The following ABCA7 variants were observed in gnomAD, a reference collection of about 807,000 sequenced individuals.
ABCA7 encodes ATP binding cassette subfamily A member 7, also known as phospholipid-transporting ATPase ABCA7.
ABCA7 carries 261 observed loss-of-function variants against 227.6 expected under a neutral mutation model. The observed-to-expected ratio is 1.15, with a 90% confidence interval of 1.04 to 1.27. ABCA7 has a LOEUF of 1.27. Among genes scored for constraint, ABCA7 ranks in the 50% most tolerant of loss-of-function variants. The pLI is 0.00. For missense variants in ABCA7, 3,331 were observed against 2,924.5 expected, an observed-to-expected ratio of 1.14 and a Z score of -3.21; for synonymous variants, 1,488 against 1,279.7, an observed-to-expected ratio of 1.16 and a Z score of -3.47.
intron 40 of ABCA7, 51 bp downstream of exon 40, chr19:1,059,136 C>CAG: frequency 6.3e-7 from 1 of 1,576,694 alleles, no homozygotes; most frequent in Non-Finnish European, 8.6e-7. Flanking sequence ...GGCTGCCCTA[C>CAG]TGCATGCCCT....
intron 16 of ABCA7, 52 bp from the exon 17 acceptor site, chr19:1,048,843 T>C: frequency 1.0e-6 from 1 of 992,846 alleles, no homozygotes; most frequent in Non-Finnish European, 1.4e-6. Context: ...AAAAAAAGCC[T>C]GGTACACTCC....
At position 1,056,370 on chromosome 19, in the gene ABCA7, T is replaced by C. The variant is rs2042251684; in HGVS notation, c.4457T>C (p.Phe1486Ser). 6.2e-7 allele frequency: 1 copy of C among 1,613,402 alleles called. No individual in the cohort carries two copies. Residue 1486 changes from phenylalanine to serine, a missense_variant, in exon 33 of 47, where the codon TTT becomes TCT. Physicochemically the swap from Phe to Ser is radical, Grantham distance 155 (BLOSUM62 -2). Coordinates refer to ENST00000263094, the MANE Select transcript of ABCA7 (RefSeq NM_019112.4). The surrounding 1 kb of genome is among the most constrained non-coding windows in gnomAD (Gnocchi z 4.3). ...NNKGWHSMVAFVNRASNAILR... is the reference protein window; with the variant it reads ...NNKGWHSMVASVNRASNAILR... ...AAAGGCTGGCACTCCATGGTGGCCT[T>C]TGTCAACCGAGCCAGCAACGCAATC...
intron 20 of ABCA7, 62 bp downstream of exon 20, chr19:1,051,356 C>G: frequency 6.3e-7 from 1 of 1,586,798 alleles, no homozygotes; most frequent in South Asian, 1.1e-5. Context: ...ATCCTGAAGG[C>G]AGGGGGAAGC....
intron 24 of ABCA7, 58 bp downstream of exon 24, chr19:1,053,589 G>A: frequency 6.5e-7 from 1 of 1,540,248 alleles, no homozygotes; most frequent in Non-Finnish European, 8.7e-7. Context: ...TGGAGGAGGT[G>A]GTGTTTTGAA....
Position 1,043,782 on chromosome 19 carries a change from A to T in ABCA7, c.988A>T (p.Met330Leu). ...GAGGGATGTCCGGGAGGTGTGGGAG[A>T]TGCTGGGACCCCGGATCTTCACCTT... ...LLRDVREVWE[M>L]LGPRIFTFMN... Residue 330 changes from methionine (M) to leucine (L), a missense_variant, in exon 10 of 47, where the codon ATG becomes TTG. Coordinates refer to ENST00000263094, the MANE Select transcript of ABCA7 (RefSeq NM_019112.4). 1 of 1,612,894 alleles carries T rather than the reference A, an allele frequency of 6.2e-7. No individual in the cohort carries two copies. Among genetic ancestry groups the T allele is most frequent in the Non-Finnish European group, 8.5e-7 (1 of 1,179,904 alleles).
intron 44 of ABCA7, 41 bp from the exon 45 acceptor site, chr19:1,064,120 G>T: frequency 6.6e-7 from 1 of 1,512,024 alleles, no homozygotes; most frequent in South Asian, 1.2e-5. Flanking sequence ...AGGCACAGGT[G>T]GCCCCGGCCT....
intron 42 of ABCA7, 35 bp downstream of exon 42, chr19:1,062,348 C>G: frequency 6.3e-7 from 1 of 1,592,286 alleles, no homozygotes; most frequent in Non-Finnish European, 8.5e-7. Flanking sequence ...TCTCACCTCC[C>G]AGGGCCCACC....
Position 1,056,150 on chromosome 19 carries a change from G to A in ABCA7, c.4323G>A (p.Ala1441=), listed in dbSNP as rs150594667. The A allele has an allele frequency of 1.9e-5, 30 of 1,609,448 alleles. No individual in the cohort carries two copies. Among genetic ancestry groups the A allele is most frequent in the East Asian group, 2.2e-5 (1 of 44,870 alleles). ...GCCGCTCAGTGGAGGAGTTGTGGGC[G>A]CTGCTGAGTCCCCTGCCTGGCGGGG... The part of the protein sequence containing the change: ...ELGRSVEELW[A]LLSPLPGGAL... Residue 1441 remains alanine, a synonymous_variant, in exon 32 of 47, where the codon GCG becomes GCA. Transcript: ENST00000263094. The surrounding 1 kb of genome is among the most constrained non-coding windows in gnomAD (Gnocchi z 4.3).
Position 1,048,962 on chromosome 19 carries a change from C to G in ABCA7, c.2337C>G (p.Pro779=). Residue 779 remains proline (P), a synonymous_variant, in exon 17 of 47, where the codon CCC becomes CCG. Coordinates refer to ENST00000263094, the MANE Select transcript of ABCA7 (RefSeq NM_019112.4). ...GGAGCTACTGGTGCGGACCTCGGCC[C>G]CCCAAGAGTCCAGCCCCTTGCCCCA... ...FRRSYWCGPR[P]PKSPAPCPTP... 1 of 1,609,092 alleles carries G rather than the reference C, an allele frequency of 6.2e-7. No individual in the cohort carries two copies. The highest frequency in any genetic ancestry group is 8.5e-7 in the Non-Finnish European group (1 of 1,178,250).
At chr19:1,052,866 C>A (rs1032437244) in intron 23 of ABCA7, among the ~76,000 whole-genome samples, 3 of 151,968 alleles carry the variant, frequency 2.0e-5, no homozygotes, top group East Asian at 1.9e-4. Context: ...CTACCCCTGA[C>A]CTCCAACACT....
At chr19:1,044,929 C>T in intron 11 of ABCA7, 73 bp from the exon 12 acceptor site, 3 of 1,561,274 alleles carry the variant, frequency 1.9e-6, no homozygotes, top group East Asian at 4.5e-5. Context: ...GCCCCGAGGT[C>T]CAGGGGGAGG....
Position 1,056,633 on chromosome 19 carries a change from C to G in ABCA7, c.4586+134C>G. Reference sequence around the variant, plus strand: ...TTATAAATGGGGGATAGAAACTGTTCCTCTGCTCCCTAAGCCAGGGAAATG... The same window carrying G: ...TTATAAATGGGGGATAGAAACTGTTGCTCTGCTCCCTAAGCCAGGGAAATG... On this transcript the variant is annotated intron_variant, in intron 33 of 46. Transcript: ENST00000263094. The surrounding 1 kb of genome is among the most constrained non-coding windows in gnomAD (Gnocchi z 4.3). 1.6e-6 allele frequency: 2 copies of G among 1,237,560 alleles called. No individual in the cohort carries two copies. The highest frequency in any genetic ancestry group is 2.2e-6 in the Non-Finnish European group (2 of 900,480). The allele number at this position is 1,237,560 out of a possible 1,614,324, so 76.7% of individuals were successfully genotyped here. A position where few individuals can be genotyped will look rare whatever the true frequency, so the allele number is the denominator to read the frequency against.
intron 37 of ABCA7, 36 bp downstream of exon 37, chr19:1,058,305 G>C (rs537029846): frequency 1.6e-5 from 25 of 1,610,666 alleles, no homozygotes; most frequent in African/African-American, 5.3e-5. Context: ...CATGGCTACA[G>C]ATAGCTAGCA....
At chr19:1,061,920 C>A in intron 41 of ABCA7, 32 bp downstream of exon 41, 1 of 1,521,508 alleles carries the variant, frequency 6.6e-7, no homozygotes. Context: ...CAGGGTGGGG[C>A]AGGGTTGGCC....
In ABCA7 at chr19:1,052,393, C is replaced by T. The variant is rs2041740720; in HGVS notation, c.3220+107C>T. 9.8e-5 allele frequency: 25 copies of T among 256,088 alleles called. No individual in the cohort carries two copies. The East Asian group carries it at 2.9e-3, about 30-fold the overall frequency. The allele number at this position is 256,088 out of a possible 1,614,324, so 15.9% of individuals were successfully genotyped here. ...GAAGAGGAGGAGGAGGGGGAGGAAG[C>T]GGCAGAGGAGGTTGAGGCGGAGGAG... On this transcript the variant is annotated intron_variant, in intron 23 of 46. Coordinates refer to ENST00000263094, the MANE Select transcript of ABCA7 (RefSeq NM_019112.4).
chr19:1,043,923 C>T (rs905319031), intron 10 of ABCA7, 82 bp downstream of exon 10: 21 of 1,139,834 alleles, frequency 1.8e-5, no homozygotes, highest in Admixed American at 1.0e-4. Flanking sequence ...AGGTGGGCTC[C>T]GTGCAGACCC....
At position 1,055,242 on chromosome 19, in the gene ABCA7, C is replaced by T. The variant is rs780887058; in HGVS notation, c.4096C>T (p.Pro1366Ser). The T allele has an allele frequency of 1.9e-6, 3 of 1,603,262 alleles. No homozygotes were observed. Among genetic ancestry groups the T allele is most frequent in the Admixed American group, 1.7e-5 (1 of 58,598 alleles). Residue 1366 changes from proline (P) to serine (S), a missense_variant, in exon 30 of 47, where the codon CCC becomes TCC. Transcript: ENST00000263094. ...LPDCPAAAGG[P>S]PPPQAVTGSG... ...CGACTGCCCGGCTGCAGCTGGTGGT[C>T]CCCCTCCGCCCCAGGCAGTGACCGG...
At chr19:1,049,243 C>T in intron 17 of ABCA7, 23 bp from the exon 18 acceptor site, 10 of 1,576,276 alleles carry the variant, frequency 6.3e-6, no homozygotes, top group Non-Finnish European at 8.7e-6. Flanking sequence ...ACCTCCATGG[C>T]TGAGTCCACC....
In ABCA7 at chr19:1,052,143, TCCTGACC is replaced by T; in HGVS notation, c.3147+27_3147+33del. The T allele has an allele frequency of 6.2e-7, 1 of 1,611,170 alleles. No homozygotes were observed. Among genetic ancestry groups the T allele is most frequent in the Non-Finnish European group, 8.5e-7 (1 of 1,179,370 alleles). ...AATGAGAAGGTGGGGACCGGCCTTCTCCTGACCCCTGACCCCCGGGACTCTGTTCAGC... is the reference window on the plus strand; with the variant it reads ...AATGAGAAGGTGGGGACCGGCCTTCTCCTGACCCCCGGGACTCTGTTCAGC... On this transcript the variant is annotated intron_variant, in intron 22 of 46. Coordinates refer to ENST00000263094, the MANE Select transcript of ABCA7 (RefSeq NM_019112.4).
Sources: allele counts gnomAD v4.1 joint callset (sites outside exome capture counted in the v4.1 genomes callset), GRCh38; gene constraint gnomAD v4.1.1; non-coding constraint Gnocchi (gnomAD v3.1); transcripts MANE v1.5; gene names NCBI Gene and HGNC (gene_info 2026-07-23, HGNC 2026-07-21).